Variants in R3HDM1 observed in about 807,000 individuals in gnomAD.
R3HDM1 encodes the protein R3H domain-containing protein 1.
A neutral mutation model predicts 141.1 loss-of-function variants in R3HDM1; 46 were observed. The ratio of observed to expected loss-of-function variants is 0.33; its 90% CI spans 0.26 to 0.42. The LOEUF (loss-of-function observed/expected upper bound fraction) is 0.42. R3HDM1 is among the 10% of genes least tolerant of loss of function. The pLI is 1.00. For synonymous variants in R3HDM1, 435 were observed against 472.9 expected (o/e 0.92, Z 1.04); for missense variants, 1,184 against 1,368.3 (o/e 0.87, Z 2.12).
chr2:135,616,247 A>T, intron 4 of R3HDM1, 54 bp downstream of exon 4: 2 of 1,515,666 alleles, frequency 1.3e-6, no homozygotes, highest in Non-Finnish European at 1.8e-6. Context: ...TTCATGCTTG[A>T]TGAATCCTTG....
chr2:135,662,915 T>A (rs1382239842), intron 19 of R3HDM1, among the ~76,000 whole-genome samples: 2 of 152,166 alleles, frequency 1.3e-5, no homozygotes, highest in Non-Finnish European at 2.9e-5. Flanking sequence ...ACCTTCATGC[T>A]ACTCATTTAA....
At chr2:135,569,648 C>G (rs757565309) in intron 1 of R3HDM1, among the ~76,000 whole-genome samples, 20 of 151,964 alleles carry the variant, frequency 1.3e-4, no homozygotes, top group Non-Finnish European at 2.4e-4. Context: ...TTTCCCAGCT[C>G]AGAGATTAGG....
chr2:135,648,527 TTAAC>T (rs2105269670), intron 16 of R3HDM1, among the ~76,000 whole-genome samples: 1 of 152,310 alleles, frequency 6.6e-6, no homozygotes, highest in East Asian at 1.9e-4. Context: ...AATATACATT[TTAAC>T]TAAGAGTTTT....
rs781187862 is a variant in R3HDM1, at chr2:135,675,468, T to C, written c.2289T>C (p.Thr763=). 1 of 1,613,474 alleles carries C rather than the reference T, an allele frequency of 6.2e-7. No individual in the cohort carries two copies. The highest frequency in any genetic ancestry group is 1.3e-5 in the African/African-American group (1 of 74,902). The change falls in exon 20 of 27, where the codon ACT becomes ACC. Residue 763 remains threonine, a synonymous_variant. Coordinates refer to ENST00000683871, the MANE Select transcript of R3HDM1 (RefSeq NM_001378107.1). ...NQIQGVVIPY[T]SVPTYQVSLP... ...TTCAAGGAGTGGTCATCCCCTATAC[T>C]TCAGTGCCAACATATCAGGTATATT... is the stretch of plus-strand genomic sequence containing the variant.
intron 1 of R3HDM1, among the ~76,000 whole-genome samples, chr2:135,567,945 T>G (rs915466796): frequency 2.9e-5 from 4 of 138,326 alleles, no homozygotes; most frequent in Non-Finnish European, 4.5e-5. Context: ...AGAGATAGGA[T>G]CTTACTCTTT....
At chr2:135,659,873 C>G (rs542320086) in intron 18 of R3HDM1, among the ~76,000 whole-genome samples, 1 of 152,226 alleles carries the variant, frequency 6.6e-6, no homozygotes, top group Non-Finnish European at 1.5e-5. Context: ...CACAGTAGGA[C>G]TACAGACATG....
intron 7 of R3HDM1, among the ~76,000 whole-genome samples, chr2:135,629,348 A>C (rs566368614): frequency 6.6e-6 from 1 of 152,216 alleles, no homozygotes; most frequent in Non-Finnish European, 1.5e-5. Flanking sequence ...AACTTGGGTG[A>C]AAGAGGGTCT....
At chr2:135,576,379 TAAA>T in intron 1 of R3HDM1, among the ~76,000 whole-genome samples, 1 of 150,378 alleles carries the variant, frequency 6.6e-6, no homozygotes, top group Admixed American at 6.6e-5. Flanking sequence ...AAAAAAAAAA[TAAA>T]AAAAAGTGTT....
At position 135,717,493 on chromosome 2, in the gene R3HDM1, AAAG is replaced by A. The variant is rs201673808; in HGVS notation, c.2881+1805_2881+1807del. Among the ~76,000 whole-genome samples the A allele has an allele frequency of 9.7e-3, 1,477 of 152,254 alleles. 22 individuals are homozygous for A. The highest frequency in any genetic ancestry group is 0.034 in the African/African-American group (1,409 of 41,524). The stretch of plus-strand genomic sequence containing the variant: ...GATTGACACTGCATCTCAAAAAAAA[AAAG>A]AAGAATGTTCTCCCTTGAAAGTGGG... On this transcript the variant is annotated intron_variant, in intron 24 of 26. Coordinates refer to ENST00000683871, the MANE Select transcript of R3HDM1 (RefSeq NM_001378107.1).
intron 21 of R3HDM1, among the ~76,000 whole-genome samples, chr2:135,702,297 T>C (rs2074318904): frequency 6.9e-6 from 1 of 145,188 alleles, no homozygotes; most frequent in Admixed American, 7.1e-5. Context: ...CCAAGGTGGT[T>C]AGATGACCTG....
chr2:135,640,770 C>G (rs1454931220), intron 14 of R3HDM1, among the ~76,000 whole-genome samples: 1 of 152,080 alleles, frequency 6.6e-6, no homozygotes, highest in Non-Finnish European at 1.5e-5. Context: ...CTTTCTTTGT[C>G]TCGGCCACCT....
In R3HDM1 at chr2:135,645,456, G is replaced by C; in HGVS notation, c.1552G>C (p.Val518Leu). Residue 518 changes from valine (V) to leucine (L), a missense_variant, in exon 16 of 27, where the codon GTG becomes CTG. Val to Leu is a conservative substitution (Grantham distance 32, BLOSUM62 1). Around this residue, in one of 5 missense-constraint regions of R3HDM1, gnomAD observed 563 missense variants for 562.0 expected, o/e 1.00. Coordinates refer to ENST00000683871, the MANE Select transcript of R3HDM1 (RefSeq NM_001378107.1). Reference sequence around the variant, plus strand: ...GACTCAACAACCAGTTAGATCCCAAGTGCCTGGACCTCCACAGCCACCTCT... The same window carrying C: ...GACTCAACAACCAGTTAGATCCCAACTGCCTGGACCTCCACAGCCACCTCT... ...PMTQQPVRSQ[V>L]PGPPQPPLPA... 6.2e-7 allele frequency: 1 copy of C among 1,613,780 alleles called. No homozygotes were observed. Among genetic ancestry groups the C allele is most frequent in the Non-Finnish European group, 8.5e-7 (1 of 1,179,782 alleles).
intron 26 of R3HDM1, 100 bp from the exon 27 acceptor site, chr2:135,723,837 C>G (rs1003365367): frequency 3.2e-6 from 2 of 626,644 alleles, no homozygotes; most frequent in Non-Finnish European, 5.4e-6. Flanking sequence ...TTTGTGTATT[C>G]GAATGGTCAT....
At chr2:135,582,837 C>T (rs1010834748) in intron 1 of R3HDM1, among the ~76,000 whole-genome samples, 1 of 152,092 alleles carries the variant, frequency 6.6e-6, no homozygotes, top group African/African-American at 2.4e-5. Flanking sequence ...TAATCCTAAC[C>T]AGTTTTTAAA....
chr2:135,621,961 T>C lies in R3HDM1; in HGVS notation c.418+353T>C, dbSNP rs996685759. 18 of 983,470 alleles carry C rather than the reference T, an allele frequency of 1.8e-5. No individual in the cohort carries two copies. In the African/African-American group the frequency reaches 2.8e-4, roughly 15 times the overall value. 60.9% of individuals were successfully genotyped at this position (983,470 alleles called of 1,614,324 possible). On this transcript the variant is annotated intron_variant, in intron 6 of 26. Transcript: ENST00000683871. Reference sequence around the variant, plus strand: ...GGTACAAAGAGCTGATGTCATAATATTGAGTATCCAGTAAGAATATTCTTG... The same window carrying C: ...GGTACAAAGAGCTGATGTCATAATACTGAGTATCCAGTAAGAATATTCTTG...
At chr2:135,670,651 T>C (rs2068203800) in intron 19 of R3HDM1, among the ~76,000 whole-genome samples, 1 of 152,194 alleles carries the variant, frequency 6.6e-6, no homozygotes, top group African/African-American at 2.4e-5. Context: ...CTATAAGTGA[T>C]TATTTTCCCA....
chr2:135,661,514 T>C (rs1490897733), intron 19 of R3HDM1, 121 bp downstream of exon 19: 2 of 1,278,308 alleles, frequency 1.6e-6, no homozygotes, highest in Admixed American at 2.2e-5. Flanking sequence ...TTCATACATA[T>C]GAGTTTGCAA....
chr2:135,696,050 A>G (rs1245504952), intron 21 of R3HDM1, among the ~76,000 whole-genome samples: 1 of 152,210 alleles, frequency 6.6e-6, no homozygotes, highest in East Asian at 1.9e-4. Flanking sequence ...TCCACTTCCA[A>G]GTATTTAAGA....
intron 22 of R3HDM1, 28 bp from the exon 23 acceptor site, chr2:135,710,031 C>T (rs2075436848): frequency 5.6e-6 from 9 of 1,604,142 alleles, no homozygotes; most frequent in East Asian, 2.2e-5. Flanking sequence ...AATATTCTGA[C>T]TATAGCATCC....
Sources: gnomAD v4.1 joint callset for allele counts (sites outside exome capture counted in the v4.1 genomes callset) on GRCh38, gnomAD v4.1.1 for gene constraint, gnomAD v4.1.1 regional missense constraint, MANE v1.5 for transcripts, NCBI Gene and HGNC (gene_info 2026-07-23, HGNC 2026-07-21) for gene names.